The following ZNF496 variants were observed in gnomAD, a reference collection of about 807,000 sequenced individuals.
The protein encoded by ZNF496 is zinc finger protein 496.
In ZNF496, 11 loss-of-function variants were observed where a neutral mutation model predicts 58.9. The observed-to-expected ratio is 0.19, with a 90% CI of 0.12 to 0.31. The LOEUF is 0.31. ZNF496 is among the 10% of genes least tolerant of loss of function. ZNF496 has a pLI of 1.00. For synonymous variants in ZNF496, 338 were observed against 318.2 expected (o/e 1.06, Z -0.66); for missense variants, 660 against 783.0 (o/e 0.84, Z 1.88).
intron 5 of ZNF496, among the ~76,000 whole-genome samples, chr1:247,324,987 G>A (rs1202018357): frequency 6.6e-6 from 1 of 152,206 alleles, no homozygotes; most frequent in Non-Finnish European, 1.5e-5. Flanking sequence ...GTGCAGCCAT[G>A]TAAAAATGAG....
intron 2 of ZNF496, among the ~76,000 whole-genome samples, chr1:247,331,003 A>T (rs965241342): frequency 2.0e-5 from 3 of 152,214 alleles, no homozygotes; most frequent in Non-Finnish European, 2.9e-5. Flanking sequence ...GATCGCTTCC[A>T]GGGCGGCTCC....
chr1:247,300,608 C>T lies in ZNF496; in HGVS notation c.1675G>A (p.Val559Ile), dbSNP rs776241165. The T allele has an allele frequency of 9.3e-6, 15 of 1,614,016 alleles. No homozygotes were observed. Among genetic ancestry groups the T allele is most frequent in the East Asian group, 4.5e-5 (2 of 44,882 alleles). ...KARPFQCRYC[V>I]KSFTQNYDLL... ...TCATAGTTCTGCGTGAAGCTCTTGA[C>T]GCAGTACCGGCACTGGAAGGGCCGG... Residue 559 changes from valine (V) to isoleucine (I), a missense_variant, in exon 10 of 10, where the codon GTC (valine) becomes ATC (isoleucine). Physicochemically the swap from Val to Ile is conservative, Grantham distance 29. Coordinates refer to ENST00000682384, the MANE Select transcript of ZNF496 (RefSeq NM_032752.3). This position sits in a 1 kb window ranked among gnomAD's most constrained non-coding sequence, Gnocchi z 5.7.
chr1:247,312,090 T>C (rs890363637), intron 6 of ZNF496: 2 of 152,240 alleles, frequency 1.3e-5, no homozygotes, highest in Non-Finnish European at 2.9e-5. Flanking sequence ...CTTACCAACA[T>C]AGGCTGACAA....
rs930288117 is a variant in ZNF496 at position 247,308,776 on chromosome 1, A to G, written c.893-188T>C. 1.4e-5 allele frequency: 8 copies of G among 564,766 alleles called. No individual in the cohort carries two copies. Among genetic ancestry groups the G allele is most frequent in the Middle Eastern group, 4.7e-4 (1 of 2,150 alleles). The allele number at this position is 564,766 out of a possible 1,614,324, so 35.0% of individuals were successfully genotyped here. A position where few individuals can be genotyped will look rare whatever the true frequency, so the allele number is the denominator to read the frequency against. On this transcript the variant is annotated intron_variant, in intron 8 of 9. Transcript: ENST00000682384. This position sits in a 1 kb window ranked among gnomAD's most constrained non-coding sequence, Gnocchi z 4.5. ...ATGAACCTGAAGGCAAAATGGGCCAACTCCACAAACATGAGCTCTGACGCT... is the reference window on the plus strand; with the variant it reads ...ATGAACCTGAAGGCAAAATGGGCCAGCTCCACAAACATGAGCTCTGACGCT...
chr1:247,300,898 G>T lies in ZNF496; in HGVS notation c.1385C>A (p.Pro462His), dbSNP rs771372808. 5.6e-6 allele frequency: 9 copies of T among 1,612,728 alleles called. No individual in the cohort carries two copies. The highest frequency in any genetic ancestry group is 7.6e-6 in the Non-Finnish European group (9 of 1,179,210). ...CTTCCCGCAGGCACCACACCGGTAA[G>T]GCTTCTGGGCCTCGTGGCTCTCTAG... ...GHLESHEAQK[P>H]YRCGACGKSF... The change falls in exon 10 of 10, where the codon CCT becomes CAT. Residue 462 changes from proline to histidine, a missense_variant. Coordinates refer to ENST00000682384, the MANE Select transcript of ZNF496 (RefSeq NM_032752.3). This position sits in a 1 kb window ranked among gnomAD's most constrained non-coding sequence, Gnocchi z 5.7.
chr1:247,301,650 G>A (rs1346817448), intron 9 of ZNF496, among the ~76,000 whole-genome samples: 1 of 152,102 alleles, frequency 6.6e-6, no homozygotes, highest in Non-Finnish European at 1.5e-5. Context: ...CACTTAACAA[G>A]GCATGGGGGA....
rs543017623 is a variant in ZNF496 at position 247,328,875 on chromosome 1, C to A, written c.391-9G>T. 2 of 1,576,606 alleles carry A rather than the reference C, an allele frequency of 1.3e-6. No individual in the cohort carries two copies. Among genetic ancestry groups the A allele is most frequent in the African/African-American group, 2.7e-5 (2 of 73,922 alleles). ...TCTTCACAGTGCTTGAGCTGCAATCCCAGAGACAGCTTTTCAGGGCTAGGG... is the reference window on the plus strand; with the variant it reads ...TCTTCACAGTGCTTGAGCTGCAATCACAGAGACAGCTTTTCAGGGCTAGGG... On this transcript the variant is annotated splice_polypyrimidine_tract_variant and intron_variant, in intron 4 of 9. Transcript: ENST00000682384.
chr1:247,321,175 CGG>C (rs1659951326), intron 6 of ZNF496, among the ~76,000 whole-genome samples: 1 of 150,912 alleles, frequency 6.6e-6, no homozygotes, highest in African/African-American at 2.4e-5. Flanking sequence ...GACTCCATCT[CGG>C]GGGAAAAAAA....
intron 9 of ZNF496, chr1:247,307,178 G>A: frequency 3.0e-6 from 3 of 985,464 alleles, no homozygotes; most frequent in Non-Finnish European, 3.6e-6. Flanking sequence ...TAGAGAAGCA[G>A]ACCTTATCAC....
intron 9 of ZNF496, among the ~76,000 whole-genome samples, chr1:247,303,651 T>C (rs562591946): frequency 6.6e-6 from 1 of 152,354 alleles, no homozygotes; most frequent in South Asian, 2.1e-4. Context: ...GGAACTCGGA[T>C]ACTGAGCTGA....
At chr1:247,320,696 C>T (rs1659935755) in intron 6 of ZNF496, among the ~76,000 whole-genome samples, 1 of 152,118 alleles carries the variant, frequency 6.6e-6, no homozygotes, top group Non-Finnish European at 1.5e-5. Flanking sequence ...GCATGTGAAT[C>T]TACAATTACG....
In ZNF496 at chr1:247,300,680, C is replaced by G; in HGVS notation, c.1603G>C (p.Asp535His). The change falls in exon 10 of 10, where the codon GAC (aspartate) becomes CAC (histidine). Residue 535 changes from aspartate (D) to histidine (H), a missense_variant. Coordinates refer to ENST00000682384, the MANE Select transcript of ZNF496 (RefSeq NM_032752.3). The surrounding 1 kb of genome is among the most constrained non-coding windows in gnomAD (Gnocchi z 5.7). ...TGGCTGCGGTGCCGAGCCAGGTGGT[C>G]GTGCCGCTGGAAGGCCTTCCCACAC... ...CECGKAFQRH[D>H]HLARHRSHFH... The G allele has an allele frequency of 6.2e-7, 1 of 1,614,034 alleles. No individual in the cohort carries two copies.
intron 6 of ZNF496, among the ~76,000 whole-genome samples, chr1:247,315,054 A>G (rs1473053799): frequency 1.1e-4 from 14 of 125,476 alleles, no homozygotes; most frequent in Non-Finnish European, 2.1e-4. Context: ...CCCAGCCTTG[A>G]CTAGTCTTTT....
chr1:247,310,097 T>C lies in ZNF496; in HGVS notation c.784+227A>G, dbSNP rs986290722. On this transcript the variant is annotated intron_variant, in intron 7 of 9. Coordinates refer to ENST00000682384, the MANE Select transcript of ZNF496 (RefSeq NM_032752.3). Reference sequence around the variant, plus strand: ...GACATACAGCACATGTTCTATTTGGTTCTGATAAGCCTGATGTGGCGAGAC... The same window carrying C: ...GACATACAGCACATGTTCTATTTGGCTCTGATAAGCCTGATGTGGCGAGAC... 2.8e-6 allele frequency: 4 copies of C among 1,430,954 alleles called. No individual in the cohort carries two copies. In the African/African-American group the frequency reaches 5.7e-5, roughly 21 times the overall value. The allele number at this position is 1,430,954 out of a possible 1,614,324, so 88.6% of individuals were successfully genotyped here. A position where few individuals can be genotyped will look rare whatever the true frequency, so the allele number is the denominator to read the frequency against.
In ZNF496 at chr1:247,306,497, GTTTT is replaced by G. The variant is rs35122206; in HGVS notation, c.1006+1974_1006+1977del. On this transcript the variant is annotated intron_variant, in intron 9 of 9. Coordinates refer to ENST00000682384, the MANE Select transcript of ZNF496 (RefSeq NM_032752.3). The stretch of plus-strand genomic sequence containing the variant: ...CAGGCGTGAGCCACTGCACCTGGCC[GTTTT>G]TTTTTTCTTTTTCTTTTTTTTTTTG... Among the ~76,000 whole-genome samples the G allele has an allele frequency of 1.2e-3, 172 of 144,448 alleles. No homozygotes were observed. In the Middle Eastern group the frequency reaches 0.018, roughly 15 times the overall value. The allele number at this position is 144,448 out of a possible 152,430, so 94.8% of individuals were successfully genotyped here.
intron 6 of ZNF496, among the ~76,000 whole-genome samples, chr1:247,316,171 TGCACGACTTCCTGGGAGGG>T (rs1558154036): frequency 1.4e-5 from 2 of 139,012 alleles, no homozygotes; most frequent in South Asian, 2.3e-4. Flanking sequence ...TGTGTGTGTG[TGCACGACTTCCTGGGAGGG>T]GTGTGTGTGT....
rs1659468213 is a variant in ZNF496 at position 247,307,907 on chromosome 1, T to G, written c.1006+568A>C. 4 of 985,314 alleles carry G rather than the reference T, an allele frequency of 4.1e-6. No individual in the cohort carries two copies. The South Asian group carries it at 1.9e-4, about 46-fold the overall frequency. The allele number at this position is 985,314 out of a possible 1,614,324, so 61.0% of individuals were successfully genotyped here. A position where few individuals can be genotyped will look rare whatever the true frequency, so the allele number is the denominator to read the frequency against. On this transcript the variant is annotated intron_variant, in intron 9 of 9. Transcript: ENST00000682384. Reference sequence around the variant, plus strand: ...CGACTCAGAGTCTACACTGTGGCTATTTCTCTGAAAGCAGGAATGGAACAT... The same window carrying G: ...CGACTCAGAGTCTACACTGTGGCTAGTTCTCTGAAAGCAGGAATGGAACAT...
chr1:247,320,609 T>C (rs1281474444), intron 6 of ZNF496, among the ~76,000 whole-genome samples: 1 of 152,224 alleles, frequency 6.6e-6, no homozygotes, highest in Non-Finnish European at 1.5e-5. Flanking sequence ...ATTTATAGAA[T>C]ATAGATTTTT....
At chr1:247,314,086 G>T (rs1039371343) in intron 6 of ZNF496, among the ~76,000 whole-genome samples, 2 of 152,038 alleles carry the variant, frequency 1.3e-5, no homozygotes, top group Non-Finnish European at 2.9e-5. Context: ...TTTAGACAGG[G>T]TCTCACTCTG....
Sources: allele counts gnomAD v4.1 joint callset (sites outside exome capture counted in the v4.1 genomes callset), GRCh38; gene constraint gnomAD v4.1.1; non-coding constraint Gnocchi (gnomAD v3.1); transcripts MANE v1.5; gene names NCBI Gene and HGNC (gene_info 2026-07-23, HGNC 2026-07-21).